GNAT3: variants seen among roughly 807,000 people sequenced by gnomAD.
The protein encoded by GNAT3 is G protein subunit alpha transducin 3.
Under a neutral mutation model 37.7 loss-of-function variants are expected in GNAT3, and 31 were observed. The ratio of observed to expected loss-of-function variants is 0.82; its 90% confidence interval spans 0.62 to 1.11. The LOEUF is 1.11. Among genes scored for constraint, GNAT3 ranks in the 50% most tolerant of loss-of-function variants. The pLI is 0.00. For synonymous variants in GNAT3, 138 were observed against 139.8 expected (o/e 0.99, Z 0.09); for missense variants, 437 against 412.5 (o/e 1.06, Z -0.51).
At chr7:80,462,771 A>T in intron 5 of GNAT3, 140 bp from the exon 6 acceptor site, 1 of 588,172 alleles carries the variant, frequency 1.7e-6, no homozygotes, top group East Asian at 3.2e-5. Flanking sequence ...TATAAAATTA[A>T]ATTTATTTGG....
At chr7:80,468,143 T>A (rs1790155257) in intron 5 of GNAT3, among the ~76,000 whole-genome samples, 1 of 152,092 alleles carries the variant, frequency 6.6e-6, no homozygotes, top group Non-Finnish European at 1.5e-5. Context: ...CATCAGAGTT[T>A]TACGGCTTTA....
At chr7:80,467,282 T>C (rs988634493) in intron 5 of GNAT3, among the ~76,000 whole-genome samples, 2 of 152,164 alleles carry the variant, frequency 1.3e-5, no homozygotes, top group African/African-American at 4.8e-5. Context: ...TTAGGTTGAA[T>C]GCTTATAATC....
At chr7:80,479,226 A>G (rs1238685473) in intron 3 of GNAT3, among the ~76,000 whole-genome samples, 1 of 152,184 alleles carries the variant, frequency 6.6e-6, no homozygotes, top group Non-Finnish European at 1.5e-5. Flanking sequence ...ATGTGAAGAA[A>G]TTAGCATATT....
rs145941881 is a variant in GNAT3 at position 80,496,802 on chromosome 7, G to A, written c.119-2155C>T. On this transcript the variant is annotated intron_variant, in intron 1 of 7. Coordinates refer to ENST00000398291, the MANE Select transcript of GNAT3 (RefSeq NM_001102386.3). ...GATTTACAATGTTTTCTTAAGCCTCGATGAACAGATATAGCTACACCTAAA... is the reference window on the plus strand; with the variant it reads ...GATTTACAATGTTTTCTTAAGCCTCAATGAACAGATATAGCTACACCTAAA... 1.5e-4 allele frequency among the ~76,000 whole-genome samples: 22 copies of A among 151,082 alleles called. No individual in the cohort carries two copies. The East Asian group carries it at 2.9e-3, about 20-fold the overall frequency.
At chr7:80,502,276 T>C (rs1341970019) in intron 1 of GNAT3, among the ~76,000 whole-genome samples, 1 of 152,130 alleles carries the variant, frequency 6.6e-6, no homozygotes, top group East Asian at 1.9e-4. Flanking sequence ...CTTTTGCATA[T>C]CAAGCATATC....
At chr7:80,479,294 G>A (rs540621563) in intron 3 of GNAT3, among the ~76,000 whole-genome samples, 1 of 152,144 alleles carries the variant, frequency 6.6e-6, no homozygotes, top group South Asian at 2.1e-4. Context: ...ATACTTTGCT[G>A]TAGTCATACT....
At chr7:80,477,784 T>C (rs1035835385) in intron 4 of GNAT3, among the ~76,000 whole-genome samples, 11 of 152,170 alleles carry the variant, frequency 7.2e-5, no homozygotes, top group Non-Finnish European at 1.3e-4. Flanking sequence ...AGAACTATAT[T>C]TACACTTTTT....
In GNAT3 at chr7:80,473,193, C is replaced by A. The variant is rs73159434; in HGVS notation, c.590+1058G>T. Among the ~76,000 whole-genome samples, 708 of 152,276 alleles carry A rather than the reference C, an allele frequency of 4.6e-3. 1 individual carries two copies. The highest frequency in any genetic ancestry group is 7.7e-3 in the South Asian group (37 of 4,814). On this transcript the variant is annotated intron_variant, in intron 5 of 7. Coordinates refer to ENST00000398291, the MANE Select transcript of GNAT3 (RefSeq NM_001102386.3). ...ATGTTGATCCCAATCGGTGCAGTCC[C>A]TTTACCCTGGTTTAATCTTTGGCTC...
At chr7:80,487,661 C>T (rs1426611399) in intron 3 of GNAT3, 2 of 152,018 alleles carry the variant, frequency 1.3e-5, no homozygotes, top group African/African-American at 4.8e-5. Flanking sequence ...TATGCTTTTG[C>T]TCTCTATTTT....
chr7:80,462,336 T>C, intron 6 of GNAT3, 24 bp from the exon 7 acceptor site: 1 of 1,606,494 alleles, frequency 6.2e-7, no homozygotes, highest in Non-Finnish European at 8.5e-7. Context: ...GAAATGAGAA[T>C]GGGTAGGATT....
chr7:80,475,291 C>T (rs1294242441), intron 4 of GNAT3, among the ~76,000 whole-genome samples: 3 of 149,746 alleles, frequency 2.0e-5, no homozygotes, highest in Non-Finnish European at 4.4e-5. Context: ...CTATAACAGT[C>T]TGCTAAATTA....
chr7:80,469,523 G>C (rs770758712), intron 5 of GNAT3, among the ~76,000 whole-genome samples: 7 of 152,096 alleles, frequency 4.6e-5, no homozygotes, highest in Non-Finnish European at 1.0e-4. Context: ...GTTCTGGTTT[G>C]ATAAGAACTC....
intron 3 of GNAT3, 129 bp downstream of exon 3, chr7:80,488,406 G>A (rs1029314053): frequency 1.9e-5 from 13 of 687,748 alleles, no homozygotes; most frequent in Middle Eastern, 2.6e-4. Flanking sequence ...CAGAATTAAT[G>A]TTTCAAAATT....
At chr7:80,505,294 T>G (rs918519941) in intron 1 of GNAT3, among the ~76,000 whole-genome samples, 1 of 152,214 alleles carries the variant, frequency 6.6e-6, no homozygotes, top group Admixed American at 6.5e-5. Flanking sequence ...ATCAGACAAC[T>G]AATTCACTAA....
intron 4 of GNAT3, among the ~76,000 whole-genome samples, chr7:80,477,316 CT>C (rs1790322004): frequency 2.0e-5 from 3 of 152,232 alleles, no homozygotes; most frequent in South Asian, 4.1e-4. Flanking sequence ...CACAATTCAG[CT>C]TCTTACTCAT....
chr7:80,493,843 C>T lies in GNAT3; in HGVS notation c.161+762G>A, dbSNP rs1238922580. On this transcript the variant is annotated intron_variant, in intron 2 of 7. Transcript: ENST00000398291. ...CTCTTTCCTCCTCCTCCTCTTTCCT[C>T]CTCCTCCTCTTTCCTCCTCCTCCTC... Among the ~76,000 whole-genome samples the T allele has an allele frequency of 1.2e-4, 17 of 138,676 alleles. 1 individual carries two copies. Among genetic ancestry groups the T allele is most frequent in the African/African-American group, 4.6e-4 (17 of 36,596 alleles). The allele number at this position is 138,676 out of a possible 152,430, so 91.0% of individuals were successfully genotyped here.
intron 3 of GNAT3, among the ~76,000 whole-genome samples, chr7:80,480,348 T>G (rs1790373047): frequency 6.6e-6 from 1 of 152,184 alleles, no homozygotes; most frequent in South Asian, 2.1e-4. Context: ...CTCAGAGTTT[T>G]AGAAACGAGT....
intron 3 of GNAT3, among the ~76,000 whole-genome samples, chr7:80,484,907 C>T (rs1350740345): frequency 1.3e-5 from 2 of 152,042 alleles, no homozygotes; most frequent in African/African-American, 4.8e-5. Flanking sequence ...ATTCTCATTT[C>T]TCCACATATT....
chr7:80,510,117 C>T (rs1393373729), intron 1 of GNAT3, among the ~76,000 whole-genome samples: 1 of 152,078 alleles, frequency 6.6e-6, no homozygotes, highest in African/African-American at 2.4e-5. Context: ...TGACCAACAA[C>T]TCCCTTTCCC....
Sources: gnomAD v4.1 joint callset for allele counts (sites outside exome capture counted in the v4.1 genomes callset) on GRCh38, gnomAD v4.1.1 for gene constraint, MANE v1.5 for transcripts, NCBI Gene and HGNC (gene_info 2026-07-23, HGNC 2026-07-21) for gene names.